The following SPIDR variants were observed in gnomAD, a reference collection of about 807,000 sequenced individuals.
SPIDR encodes the protein scaffold protein involved in DNA repair.
Under a neutral mutation model 104.6 loss-of-function variants are expected in SPIDR, and 93 were observed. The observed-to-expected ratio is 0.89, with a 90% CI of 0.75 to 1.06. The LOEUF (loss-of-function observed/expected upper bound fraction) is 1.06, where lower values mean the gene tolerates loss of function less well. SPIDR is among the 50% of genes least tolerant of loss of function. The probability of loss-of-function intolerance (pLI) is 0.00; values close to 1 mark genes in which losing one functional copy is unlikely to be tolerated. For missense variants in SPIDR, 1,154 were observed against 1,111.2 expected (o/e 1.04, Z -0.55); for synonymous variants, 431 against 416.9 (o/e 1.03, Z -0.41).
intron 14 of SPIDR, among the ~76,000 whole-genome samples, chr8:47,704,218 G>A (rs1030880506): frequency 2.0e-5 from 3 of 152,282 alleles, no homozygotes; most frequent in East Asian, 1.9e-4. Flanking sequence ...GAATATAAAC[G>A]AACCACATTT....
chr8:47,701,641 A>C, intron 12 of SPIDR, 80 bp from the exon 13 acceptor site: 1 of 1,387,514 alleles, frequency 7.2e-7, no homozygotes, highest in African/African-American at 1.4e-5. Context: ...TATATATTAA[A>C]GAGGAGATTT....
At chr8:47,359,903 A>G (rs2055393504) in intron 5 of SPIDR, among the ~76,000 whole-genome samples, 1 of 152,166 alleles carries the variant, frequency 6.6e-6, no homozygotes, top group Non-Finnish European at 1.5e-5. Context: ...TGTATGTCAA[A>G]GTGTTTGAAA....
At chr8:47,672,531 C>G (rs1294728939) in intron 10 of SPIDR, among the ~76,000 whole-genome samples, 46 of 152,168 alleles carry the variant, frequency 3.0e-4, no homozygotes, top group Admixed American at 3.0e-3. Context: ...ATTTGTTACA[C>G]CTACTCAGTG....
intron 8 of SPIDR, among the ~76,000 whole-genome samples, chr8:47,454,677 T>C (rs1026836170): frequency 6.6e-6 from 1 of 152,078 alleles, no homozygotes; most frequent in Non-Finnish European, 1.5e-5. Context: ...TCAACCAAGA[T>C]TGTATATCTG....
intron 5 of SPIDR, among the ~76,000 whole-genome samples, chr8:47,356,158 C>G (rs2054500427): frequency 6.6e-6 from 1 of 152,200 alleles, no homozygotes; most frequent in African/African-American, 2.4e-5. Context: ...ATTGAAATAC[C>G]TGTATCTGTG....
chr8:47,469,816 A>G (rs534474464), intron 8 of SPIDR, among the ~76,000 whole-genome samples: 1 of 152,328 alleles, frequency 6.6e-6, no homozygotes, highest in South Asian at 2.1e-4. Context: ...ACAAATTTCT[A>G]TTATATGTTA....
intron 10 of SPIDR, among the ~76,000 whole-genome samples, chr8:47,667,544 A>G (rs2154467788): frequency 6.6e-6 from 1 of 152,128 alleles, no homozygotes; most frequent in East Asian, 1.9e-4. Flanking sequence ...AAGGCTGCAA[A>G]CTAATGATCT....
At chr8:47,300,351 TA>T (rs2041830338) in intron 5 of SPIDR, among the ~76,000 whole-genome samples, 1 of 152,212 alleles carries the variant, frequency 6.6e-6, no homozygotes, top group Admixed American at 6.5e-5. Flanking sequence ...TTTTCTTCTT[TA>T]TTAGTCTTGC....
At chr8:47,534,980 GATA>G (rs1456517829) in intron 8 of SPIDR, among the ~76,000 whole-genome samples, 1 of 151,984 alleles carries the variant, frequency 6.6e-6, no homozygotes, top group Non-Finnish European at 1.5e-5. Context: ...TGATCCCATA[GATA>G]CTAAAAGGAT....
chr8:47,620,434 AT>A (rs1347476063), intron 10 of SPIDR, among the ~76,000 whole-genome samples: 16 of 151,314 alleles, frequency 1.1e-4, no homozygotes, highest in African/African-American at 3.9e-4. Flanking sequence ...CACCTGGCTA[AT>A]TTTTTTATTT....
chr8:47,353,564 T>C (rs1430440383), intron 5 of SPIDR, among the ~76,000 whole-genome samples: 8 of 152,142 alleles, frequency 5.3e-5, no homozygotes, highest in African/African-American at 1.9e-4. Context: ...GAGCAATTGT[T>C]CAAGGGAAGA....
chr8:47,473,362 A>T (rs951524099), intron 8 of SPIDR, among the ~76,000 whole-genome samples: 3 of 152,212 alleles, frequency 2.0e-5, no homozygotes, highest in Non-Finnish European at 4.4e-5. Context: ...AAGGATTAGG[A>T]TAGAGATGGC....
At chr8:47,281,170 G>A (rs1185534050) in intron 2 of SPIDR, among the ~76,000 whole-genome samples, 3 of 152,080 alleles carry the variant, frequency 2.0e-5, no homozygotes, top group African/African-American at 7.2e-5. Flanking sequence ...AAAATACTTT[G>A]TTGCTAAAAA....
intron 5 of SPIDR, among the ~76,000 whole-genome samples, chr8:47,392,376 G>T (rs980961211): frequency 1.3e-5 from 2 of 152,238 alleles, no homozygotes; most frequent in Admixed American, 1.3e-4. Context: ...TGTATGCAGG[G>T]TATGTTTGCT....
chr8:47,264,744 GGCAA>G (rs1230922262), intron 1 of SPIDR, among the ~76,000 whole-genome samples: 1 of 151,600 alleles, frequency 6.6e-6, no homozygotes, highest in Non-Finnish European at 1.5e-5. Flanking sequence ...CTCTGAATAG[GGCAA>G]TATACCTAAC....
At chr8:47,527,215 CTG>C (rs1407954122) in intron 8 of SPIDR, among the ~76,000 whole-genome samples, 13 of 152,272 alleles carry the variant, frequency 8.5e-5, no homozygotes, top group African/African-American at 3.1e-4. Flanking sequence ...TCAAGAGAAA[CTG>C]TTTTACCAGA....
chr8:47,566,253 G>A (rs931995049), intron 8 of SPIDR, among the ~76,000 whole-genome samples: 7 of 151,250 alleles, frequency 4.6e-5, no homozygotes, highest in Non-Finnish European at 7.4e-5. Flanking sequence ...TGATCTGCCC[G>A]CCTCAGCCTC....
At chr8:47,413,474 C>G (rs2063807663) in intron 7 of SPIDR, among the ~76,000 whole-genome samples, 1 of 152,350 alleles carries the variant, frequency 6.6e-6, no homozygotes, top group East Asian at 1.9e-4. Context: ...TAATCCTCTG[C>G]CAGTTTCCTC....
chr8:47,519,470 A>G (rs763084954), intron 8 of SPIDR, among the ~76,000 whole-genome samples: 9 of 152,298 alleles, frequency 5.9e-5, no homozygotes, highest in Non-Finnish European at 1.0e-4. Context: ...AAGCCCCATA[A>G]CAAAGTTTTT....
Sources: allele counts gnomAD v4.1 joint callset (sites outside exome capture counted in the v4.1 genomes callset), GRCh38; gene constraint gnomAD v4.1.1; transcripts MANE v1.5; gene names NCBI Gene and HGNC (gene_info 2026-07-23, HGNC 2026-07-21).